Variants in COL7A1 observed in about 807,000 individuals in gnomAD.
COL7A1 encodes collagen type VII alpha 1 chain.
COL7A1 carries 296 observed loss-of-function variants against 456.2 expected under a neutral mutation model. The observed-to-expected ratio is 0.65, with a 90% CI of 0.59 to 0.71. The LOEUF is 0.71. Among genes scored for constraint, COL7A1 ranks in the 30% least tolerant of loss-of-function variants. COL7A1 has a pLI of 0.00. For synonymous variants in COL7A1, 1,464 were observed against 1,525.9 expected, an observed-to-expected ratio of 0.96 and a Z score of 0.95; for missense variants, 3,441 against 4,017.2, an observed-to-expected ratio of 0.86 and a Z score of 3.88.
rs781393824 is a variant in COL7A1, at chr3:48,587,378, G to T, written c.2992+42C>A. ...TTGATTAAAAAGCTGTCTCCACAGA[G>T]CCCCAACTGCCAGCCCACCCAAATC... On this transcript the variant is annotated intron_variant, in intron 23 of 118. Transcript: ENST00000681320. This position sits in a 1 kb window ranked among gnomAD's most constrained non-coding sequence, Gnocchi z 6.1. The T allele has an allele frequency of 3.1e-6, 5 of 1,612,848 alleles. No homozygotes were observed. The African/African-American group carries it at 5.3e-5, about 17-fold the overall frequency.
Position 48,575,560 on chromosome 3 carries a change from A to G in COL7A1, c.5980-21T>C. ...GGGCCCTGCAGGAGTGGAAGAGAGAATGCTGGTGGCTGTACAGCTACACCC... is the reference window on the plus strand; with the variant it reads ...GGGCCCTGCAGGAGTGGAAGAGAGAGTGCTGGTGGCTGTACAGCTACACCC... On this transcript the variant is annotated intron_variant, in intron 73 of 118. Coordinates refer to ENST00000681320, the MANE Select transcript of COL7A1 (RefSeq NM_000094.4). This position sits in a 1 kb window ranked among gnomAD's most constrained non-coding sequence, Gnocchi z 6.3. The G allele has an allele frequency of 6.2e-7, 1 of 1,612,596 alleles. No individual in the cohort carries two copies. Among genetic ancestry groups the G allele is most frequent in the Non-Finnish European group, 8.5e-7 (1 of 1,179,982 alleles).
At position 48,564,787 on chromosome 3, in the gene COL7A1, C is replaced by A; in HGVS notation, c.8814G>T (p.Gly2938=). The A allele has an allele frequency of 6.2e-7, 1 of 1,613,610 alleles. No individual in the cohort carries two copies. Among genetic ancestry groups the A allele is most frequent in the African/African-American group, 1.3e-5 (1 of 75,058 alleles). The change falls in exon 118 of 119, where the codon GGG becomes GGT. Residue 2938 remains glycine (G), a synonymous_variant. Transcript: ENST00000681320. The surrounding 1 kb of genome is among the most constrained non-coding windows in gnomAD (Gnocchi z 6.0). ...RCPPRVVQSQ[G]TGTAQD is the part of the protein sequence containing the mutation. ...CGGTGGGGGCTCAGCCCATACCTGTCCCCTGGCTCTGGACCACCCGGGGTG... is the reference window on the plus strand; with the variant it reads ...CGGTGGGGGCTCAGCCCATACCTGTACCCTGGCTCTGGACCACCCGGGGTG...
In COL7A1 at chr3:48,568,222, A is replaced by C. The variant is rs2043696105; in HGVS notation, c.7795-52T>G. 6.3e-7 allele frequency: 1 copy of C among 1,588,386 alleles called. No homozygotes were observed. The highest frequency in any genetic ancestry group is 8.6e-7 in the Non-Finnish European group (1 of 1,163,014). Reference sequence around the variant, plus strand: ...TCAGAGGAGGTCAGTGAGGGACCAAAGAGAATCGCCCTGGATAGTGGGTAG... The same window carrying C: ...TCAGAGGAGGTCAGTGAGGGACCAACGAGAATCGCCCTGGATAGTGGGTAG... On this transcript the variant is annotated intron_variant, in intron 105 of 118. Coordinates refer to ENST00000681320, the MANE Select transcript of COL7A1 (RefSeq NM_000094.4). The surrounding 1 kb of genome is among the most constrained non-coding windows in gnomAD (Gnocchi z 5.2).
chr3:48,586,772 G>A lies in COL7A1; in HGVS notation c.3277-83C>T, dbSNP rs528186817. The A allele has an allele frequency of 8.5e-6, 13 of 1,530,782 alleles. No homozygotes were observed. Among genetic ancestry groups the A allele is most frequent in the Non-Finnish European group, 1.1e-5 (13 of 1,131,294 alleles). 94.8% of individuals were successfully genotyped at this position (1,530,782 alleles called of 1,614,324 possible). A position where few individuals can be genotyped will look rare whatever the true frequency, so the allele number is the denominator to read the frequency against. On this transcript the variant is annotated intron_variant, in intron 25 of 118. Transcript: ENST00000681320. This position sits in a 1 kb window ranked among gnomAD's most constrained non-coding sequence, Gnocchi z 5.1. ...ACAGAGCCTGGAGAAACACATCAGGGTGTGTGTGACCAAACCCTATCTATT... is the reference window on the plus strand; with the variant it reads ...ACAGAGCCTGGAGAAACACATCAGGATGTGTGTGACCAAACCCTATCTATT...
Position 48,593,285 on chromosome 3 carries a change from A to T in COL7A1, c.521-22T>A. The stretch of plus-strand genomic sequence containing the variant: ...ATCCCTGAAGTGACGACCCATCAGG[A>T]CTCAGTCACCCACATGCTCTCTGAC... On this transcript the variant is annotated intron_variant, in intron 5 of 118. Coordinates refer to ENST00000681320, the MANE Select transcript of COL7A1 (RefSeq NM_000094.4). This position sits in a 1 kb window ranked among gnomAD's most constrained non-coding sequence, Gnocchi z 4.4. 1.2e-6 allele frequency: 2 copies of T among 1,613,906 alleles called. No homozygotes were observed. The highest frequency in any genetic ancestry group is 1.7e-6 in the Non-Finnish European group (2 of 1,179,958).
At position 48,578,231 on chromosome 3, in the gene COL7A1, T is replaced by C. The variant is rs1419440821; in HGVS notation, c.5532+90A>G. ...GGGCCAGGATGCATGTGTCTACACG[T>C]GTGCCTCATGTGTTGCTACAGATCT... On this transcript the variant is annotated intron_variant, in intron 65 of 118. Coordinates refer to ENST00000681320, the MANE Select transcript of COL7A1 (RefSeq NM_000094.4). This position sits in a 1 kb window ranked among gnomAD's most constrained non-coding sequence, Gnocchi z 4.7. The C allele has an allele frequency of 2.1e-6, 3 of 1,450,788 alleles. No individual in the cohort carries two copies. The highest frequency in any genetic ancestry group is 4.6e-5 in the East Asian group (2 of 43,390). The allele number at this position is 1,450,788 out of a possible 1,614,324, so 89.9% of individuals were successfully genotyped here. A position where few individuals can be genotyped will look rare whatever the true frequency, so the allele number is the denominator to read the frequency against.
Position 48,592,747 on chromosome 3 carries a change from C to A in COL7A1, c.846+28G>T. 6.2e-7 allele frequency: 1 copy of A among 1,613,308 alleles called. No homozygotes were observed. Among genetic ancestry groups the A allele is most frequent in the Non-Finnish European group, 8.5e-7 (1 of 1,180,042 alleles). On this transcript the variant is annotated intron_variant, in intron 7 of 118. Transcript: ENST00000681320. The surrounding 1 kb of genome is among the most constrained non-coding windows in gnomAD (Gnocchi z 7.6). The stretch of plus-strand genomic sequence containing the variant: ...TTATCTTGCCCAGCCAAGTCCCCAG[C>A]CACCACCTATCACTCCTGACATCCT...
chr3:48,567,072 C>T lies in COL7A1; in HGVS notation c.8110-49G>A, dbSNP rs2043639251. ...AGTAATCAGAGGCCCCAGAGATGGA[C>T]CCTCTCCCAAAGTGCACGCTCCCCT... On this transcript the variant is annotated intron_variant, in intron 110 of 118. Coordinates refer to ENST00000681320, the MANE Select transcript of COL7A1 (RefSeq NM_000094.4). The surrounding 1 kb of genome is among the most constrained non-coding windows in gnomAD (Gnocchi z 4.3). 6.2e-7 allele frequency: 1 copy of T among 1,611,634 alleles called. No homozygotes were observed. The highest frequency in any genetic ancestry group is 1.7e-5 in the Admixed American group (1 of 59,974).
Position 48,591,407 on chromosome 3 carries a change from C to A in COL7A1, c.1636+57G>T. The stretch of plus-strand genomic sequence containing the variant: ...GGAGAGGGCTGGAGGTACACTCAGA[C>A]CCCTCAGGCTGGAACTTCAGTGTGT... On this transcript the variant is annotated intron_variant, in intron 13 of 118. Transcript: ENST00000681320. The surrounding 1 kb of genome is among the most constrained non-coding windows in gnomAD (Gnocchi z 7.0). 1 of 1,604,340 alleles carries A rather than the reference C, an allele frequency of 6.2e-7. No individual in the cohort carries two copies. The highest frequency in any genetic ancestry group is 2.2e-5 in the East Asian group (1 of 44,746).
At position 48,594,512 on chromosome 3, in the gene COL7A1, A is replaced by T. The variant is rs1229666551; in HGVS notation, c.122T>A (p.Phe41Tyr). Residue 41 changes from phenylalanine (F) to tyrosine (Y), a missense_variant, in exon 3 of 119, where the codon TTC (phenylalanine) becomes TAC (tyrosine). This residue lies in a region of COL7A1 where 913 missense variants were observed against 1,088.2 expected (regional missense o/e 0.84). Transcript: ENST00000681320. The surrounding 1 kb of genome is among the most constrained non-coding windows in gnomAD (Gnocchi z 5.5). ...CTRLYAADIV[F>Y]LLDGSSSIGR... ...AATGGATGAGGAGCCATCCAGTAAGAACACAATGTCAGCGGCGTAAAGGCG... is the reference window on the plus strand; with the variant it reads ...AATGGATGAGGAGCCATCCAGTAAGTACACAATGTCAGCGGCGTAAAGGCG... The T allele has an allele frequency of 1.2e-6, 2 of 1,611,670 alleles. No homozygotes were observed. Among genetic ancestry groups the T allele is most frequent in the Admixed American group, 1.7e-5 (1 of 59,946 alleles).
Position 48,572,456 on chromosome 3 carries a change from C to T in COL7A1, c.6937-35G>A. On this transcript the variant is annotated intron_variant, in intron 89 of 118. Transcript: ENST00000681320. The surrounding 1 kb of genome is among the most constrained non-coding windows in gnomAD (Gnocchi z 4.6). The stretch of plus-strand genomic sequence containing the variant: ...GGGAGAGGTCAGTGGGATTCCTTGG[C>T]CCCCACCAGTTGACCCCCCCTCACT... 3 of 1,613,894 alleles carry T rather than the reference C, an allele frequency of 1.9e-6. No individual in the cohort carries two copies. The highest frequency in any genetic ancestry group is 2.5e-6 in the Non-Finnish European group (3 of 1,179,908).
In COL7A1 at chr3:48,583,499, G is replaced by T; in HGVS notation, c.4401+57C>A. ...GAGGATGGAGCAGTGGTTGATGATTGAGGTAGGGGCTGGAGCTGTGCCCAC... is the reference window on the plus strand; with the variant it reads ...GAGGATGGAGCAGTGGTTGATGATTTAGGTAGGGGCTGGAGCTGTGCCCAC... On this transcript the variant is annotated intron_variant, in intron 41 of 118. Transcript: ENST00000681320. The surrounding 1 kb of genome is among the most constrained non-coding windows in gnomAD (Gnocchi z 5.1). 1 of 1,613,692 alleles carries T rather than the reference G, an allele frequency of 6.2e-7. No homozygotes were observed. Among genetic ancestry groups the T allele is most frequent in the Non-Finnish European group, 8.5e-7 (1 of 1,179,664 alleles).
At position 48,575,907 on chromosome 3, in the gene COL7A1, G is replaced by A. The variant is rs1336718522; in HGVS notation, c.5821-5C>T. 4.2e-5 allele frequency: 68 copies of A among 1,614,018 alleles called. No individual in the cohort carries two copies. Among genetic ancestry groups the A allele is most frequent in the Non-Finnish European group, 5.7e-5 (67 of 1,180,030 alleles). ...TTCCAGCAACCGATCCACATTCTGG[G>A]GACAAAGTCTGGGTGAAGGGCTGCC... is the stretch of plus-strand genomic sequence containing the variant. On this transcript the variant is annotated splice_polypyrimidine_tract_variant and splice_region_variant and intron_variant, in intron 71 of 118. Transcript: ENST00000681320. The surrounding 1 kb of genome is among the most constrained non-coding windows in gnomAD (Gnocchi z 6.3).
chr3:48,569,980 G>C lies in COL7A1; in HGVS notation c.7486-65C>G. On this transcript the variant is annotated intron_variant, in intron 99 of 118. Coordinates refer to ENST00000681320, the MANE Select transcript of COL7A1 (RefSeq NM_000094.4). This position sits in a 1 kb window ranked among gnomAD's most constrained non-coding sequence, Gnocchi z 4.9. ...GCAGTGGAGGACGGAGGAGGATCAGGGGGAGGAGGGAAACAGTGGGGACCA... is the reference window on the plus strand; with the variant it reads ...GCAGTGGAGGACGGAGGAGGATCAGCGGGAGGAGGGAAACAGTGGGGACCA... 1 of 1,609,636 alleles carries C rather than the reference G, an allele frequency of 6.2e-7. No homozygotes were observed.
chr3:48,581,537 C>G lies in COL7A1; in HGVS notation c.4782+36G>C, dbSNP rs764677528. ...TAGTCAGGGTCCCACCACCTCATCT[C>G]CCTCTGTCACACTCCCCATTCCCAC... On this transcript the variant is annotated intron_variant, in intron 50 of 118. Coordinates refer to ENST00000681320, the MANE Select transcript of COL7A1 (RefSeq NM_000094.4). This position sits in a 1 kb window ranked among gnomAD's most constrained non-coding sequence, Gnocchi z 5.8. The G allele has an allele frequency of 6.2e-7, 1 of 1,614,120 alleles. No individual in the cohort carries two copies. The highest frequency in any genetic ancestry group is 1.1e-5 in the South Asian group (1 of 91,084).
rs536576133 is a variant in COL7A1, at chr3:48,580,852, C to T, written c.4980+30G>A. On this transcript the variant is annotated intron_variant, in intron 54 of 118. Transcript: ENST00000681320. This position sits in a 1 kb window ranked among gnomAD's most constrained non-coding sequence, Gnocchi z 4.5. ...TCACCTTCATGCCCACCTCCCATCA[C>T]CCCTGTTACTTCTCTCTGCCAAGAC... The T allele has an allele frequency of 5.0e-6, 8 of 1,613,960 alleles. No individual in the cohort carries two copies. Among genetic ancestry groups the T allele is most frequent in the Admixed American group, 1.7e-5 (1 of 60,012 alleles).
Position 48,594,342 on chromosome 3 carries a change from C to G in COL7A1, c.266+26G>C, listed in dbSNP as rs1392852809. 4 of 1,604,048 alleles carry G rather than the reference C, an allele frequency of 2.5e-6. No individual in the cohort carries two copies. The highest frequency in any genetic ancestry group is 1.3e-5 in the African/African-American group (1 of 74,250). ...GGAGTCTTGGTGGGGATCTCGTGGT[C>G]CCCAGCCCCCAGGGCCCCTACTCAC... On this transcript the variant is annotated intron_variant, in intron 3 of 118. Transcript: ENST00000681320. The surrounding 1 kb of genome is among the most constrained non-coding windows in gnomAD (Gnocchi z 5.5).
In COL7A1 at chr3:48,568,927, G is replaced by A. The variant is rs2107640130; in HGVS notation, c.7687-72C>T. ...TGGGGGCTTAGAATACAACGAGCCCGCCAGCTGGGGCAGAGCTCAAGTCAC... is the reference window on the plus strand; with the variant it reads ...TGGGGGCTTAGAATACAACGAGCCCACCAGCTGGGGCAGAGCTCAAGTCAC... On this transcript the variant is annotated intron_variant, in intron 103 of 118. Transcript: ENST00000681320. This position sits in a 1 kb window ranked among gnomAD's most constrained non-coding sequence, Gnocchi z 5.2. 10 of 1,426,402 alleles carry A rather than the reference G, an allele frequency of 7.0e-6. No individual in the cohort carries two copies. The South Asian group carries it at 8.6e-5, about 12-fold the overall frequency. The allele number at this position is 1,426,402 out of a possible 1,614,324, so 88.4% of individuals were successfully genotyped here. A position where few individuals can be genotyped will look rare whatever the true frequency, so the allele number is the denominator to read the frequency against.
At position 48,588,903 on chromosome 3, in the gene COL7A1, T is replaced by C; in HGVS notation, c.2407A>G (p.Thr803Ala). Residue 803 changes from threonine (T) to alanine (A), a missense_variant, in exon 19 of 119, where the codon ACA becomes GCA. Physicochemically the swap from Thr to Ala is moderately conservative, Grantham distance 58 (BLOSUM62 0). Transcript: ENST00000681320. The surrounding 1 kb of genome is among the most constrained non-coding windows in gnomAD (Gnocchi z 4.6). ...RITWVGVTGA[T>A]AYRLAWGRSE... is the part of the protein sequence containing the mutation. ...CGGCCCCAGGCCAGTCTGTAAGCTGTGGCTCCAGTGACCCCTACCCAGGTG... is the reference window on the plus strand; with the variant it reads ...CGGCCCCAGGCCAGTCTGTAAGCTGCGGCTCCAGTGACCCCTACCCAGGTG... 2 of 1,613,664 alleles carry C rather than the reference T, an allele frequency of 1.2e-6. No individual in the cohort carries two copies. Among genetic ancestry groups the C allele is most frequent in the South Asian group, 2.2e-5 (2 of 91,088 alleles).
Sources: allele counts gnomAD v4.1 joint callset, GRCh38; gene constraint gnomAD v4.1.1; regional missense constraint gnomAD v4.1.1; non-coding constraint Gnocchi (gnomAD v3.1); transcripts MANE v1.5; gene names NCBI Gene and HGNC (gene_info 2026-07-23, HGNC 2026-07-21).